TACR3: variants seen among roughly 807,000 people sequenced by gnomAD.
TACR3 encodes tachykinin receptor 3.
TACR3 carries 34 observed loss-of-function variants against 35.0 expected under a neutral mutation model. The observed-to-expected ratio is 0.97, with a 90% CI of 0.74 to 1.30. The LOEUF (loss-of-function observed/expected upper bound fraction) is 1.30. Among genes scored for constraint, TACR3 ranks in the 50% most tolerant of loss-of-function variants. The probability of loss-of-function intolerance (pLI) is 0.00; values close to 1 mark genes in which losing one functional copy is unlikely to be tolerated. For synonymous variants in TACR3, 233 were observed against 221.1 expected, an observed-to-expected ratio of 1.05 and a Z score of -0.48; for missense variants, 558 against 591.7, an observed-to-expected ratio of 0.94 and a Z score of 0.59.
rs572041074 is a variant in TACR3, at chr4:103,595,001, T to C, written c.889-3318A>G. 3.3e-5 allele frequency among the ~76,000 whole-genome samples: 5 copies of C among 152,296 alleles called. No individual in the cohort carries two copies. The South Asian group carries it at 1.0e-3, about 32-fold the overall frequency. On this transcript the variant is annotated intron_variant, in intron 3 of 4. Coordinates refer to ENST00000304883, the MANE Select transcript of TACR3 (RefSeq NM_001059.3). ...CTCTGGACTCTAGTTTTGATGTGAA[T>C]GCAAACGTAGGCTCTTGGGTGGGAG...
chr4:103,598,345 G>C (rs1475759460), intron 3 of TACR3, among the ~76,000 whole-genome samples: 1 of 152,082 alleles, frequency 6.6e-6, no homozygotes. Context: ...TTTAGATTCT[G>C]GATATTAGCC....
At chr4:103,629,853 A>AAAC (rs1725009529) in intron 3 of TACR3, among the ~76,000 whole-genome samples, 1 of 115,494 alleles carries the variant, frequency 8.7e-6, no homozygotes, top group Non-Finnish European at 1.8e-5. Flanking sequence ...AGCAAAACAA[A>AAAC]AAAAAAACAA....
intron 3 of TACR3, among the ~76,000 whole-genome samples, chr4:103,643,745 G>T (rs751702354): frequency 6.6e-6 from 1 of 151,800 alleles, no homozygotes; most frequent in Non-Finnish European, 1.5e-5. Flanking sequence ...TTGTGTGTGT[G>T]CCTGTGTGTA....
rs145596635 is a variant in TACR3 at position 103,587,871 on chromosome 4, T to C, written c.*1811A>G. The C allele has an allele frequency of 1.3e-5, 2 of 152,220 alleles. No homozygotes were observed. Among genetic ancestry groups the C allele is most frequent in the East Asian group, 1.9e-4 (1 of 5,182 alleles). 9.4% of individuals were successfully genotyped at this position (152,220 alleles called of 1,614,324 possible). On this transcript the variant is annotated 3_prime_UTR_variant, in exon 5 of 5. Coordinates refer to ENST00000304883, the MANE Select transcript of TACR3 (RefSeq NM_001059.3). ...ATGCACACAAGCTTCACAGACTTTA[T>C]TGAGCATATGGCAATGCTGTAATGA...
intron 3 of TACR3, among the ~76,000 whole-genome samples, chr4:103,634,508 T>A (rs1389643853): frequency 1.6e-5 from 2 of 121,990 alleles, no homozygotes; most frequent in Non-Finnish European, 1.9e-5. Context: ...TTCATGAACA[T>A]TTATAATCAG....
rs201417864 is a variant in TACR3 at position 103,589,661 on chromosome 4, C to G, written c.*21G>C. On this transcript the variant is annotated 3_prime_UTR_variant, in exon 5 of 5. Coordinates refer to ENST00000304883, the MANE Select transcript of TACR3 (RefSeq NM_001059.3). ...GGCACCATGATGGTCTCACACTAAT[C>G]TTTTACCTCAGGAAATGGAATTAAG... 21 of 1,613,396 alleles carry G rather than the reference C, an allele frequency of 1.3e-5. No individual in the cohort carries two copies. The highest frequency in any genetic ancestry group is 1.6e-5 in the Non-Finnish European group (19 of 1,179,650).
At chr4:103,683,900 C>T (rs1195639208) in intron 1 of TACR3, among the ~76,000 whole-genome samples, 2 of 151,682 alleles carry the variant, frequency 1.3e-5, no homozygotes, top group Non-Finnish European at 2.9e-5. Flanking sequence ...AGAAATACAT[C>T]ATCCAAAAAT....
chr4:103,626,479 A>T lies in TACR3; in HGVS notation c.888+29715T>A, dbSNP rs576875064. On this transcript the variant is annotated intron_variant, in intron 3 of 4. Transcript: ENST00000304883. The stretch of plus-strand genomic sequence containing the variant: ...AGACGTATAGCTGGTGTAACCAGCT[A>T]AGGGCCTGGGGCAGAATGGGAGGCT... 7.5e-4 allele frequency among the ~76,000 whole-genome samples: 114 copies of T among 152,266 alleles called. 1 individual carries two copies. The South Asian group carries it at 0.023, about 31-fold the overall frequency.
chr4:103,665,494 C>A (rs149023301), intron 1 of TACR3, among the ~76,000 whole-genome samples: 1 of 152,080 alleles, frequency 6.6e-6, no homozygotes, highest in Admixed American at 6.6e-5. Context: ...TTAGGTTTAT[C>A]TACTCATTTA....
chr4:103,633,061 TCTTA>T (rs1295303324), intron 3 of TACR3, among the ~76,000 whole-genome samples: 1 of 102,856 alleles, frequency 9.7e-6, no homozygotes, highest in Admixed American at 8.4e-5. Context: ...TTTTTGTCCC[TCTTA>T]CTGACATTAA....
intron 1 of TACR3, among the ~76,000 whole-genome samples, chr4:103,697,394 A>G (rs1192332410): frequency 7.2e-6 from 1 of 139,528 alleles, no homozygotes; most frequent in African/African-American, 3.0e-5. Context: ...TTATTTATTT[A>G]TTTATTTGTT....
At chr4:103,604,070 C>A (rs987559882) in intron 3 of TACR3, among the ~76,000 whole-genome samples, 4 of 152,142 alleles carry the variant, frequency 2.6e-5, no homozygotes, top group African/African-American at 9.7e-5. Context: ...AAAAAGGAGC[C>A]CATATCTCCA....
chr4:103,594,240 C>CG (rs1259502215), intron 3 of TACR3, among the ~76,000 whole-genome samples: 1 of 150,696 alleles, frequency 6.6e-6, no homozygotes, highest in African/African-American at 2.4e-5. Context: ...TGCAGTGGTG[C>CG]GATCTTGGCT....
At chr4:103,686,649 T>G (rs1299747625) in intron 1 of TACR3, among the ~76,000 whole-genome samples, 1 of 152,142 alleles carries the variant, frequency 6.6e-6, no homozygotes, top group Admixed American at 6.6e-5. Flanking sequence ...GAGGAAAACA[T>G]AACCCATATG....
rs540372794 is a variant in TACR3, at chr4:103,600,141, T to C, written c.889-8458A>G. On this transcript the variant is annotated intron_variant, in intron 3 of 4. Transcript: ENST00000304883. Reference sequence around the variant, plus strand: ...ATTACCTCAATTTCACAGCCTGTTATTGGTCTATTCAGAGATTCAACTTCT... The same window carrying C: ...ATTACCTCAATTTCACAGCCTGTTACTGGTCTATTCAGAGATTCAACTTCT... Among the ~76,000 whole-genome samples, 9 of 152,280 alleles carry C rather than the reference T, an allele frequency of 5.9e-5. 1 individual carries two copies. In the South Asian group the frequency reaches 1.9e-3, roughly 32 times the overall value.
At chr4:103,710,583 T>C (rs1722922536) in intron 1 of TACR3, among the ~76,000 whole-genome samples, 1 of 151,850 alleles carries the variant, frequency 6.6e-6, no homozygotes, top group Non-Finnish European at 1.5e-5. Context: ...TTAAAAGAAC[T>C]AGAGAAGGAA....
intron 1 of TACR3, among the ~76,000 whole-genome samples, chr4:103,701,161 G>T (rs1399744269): frequency 6.6e-6 from 1 of 152,018 alleles, no homozygotes; most frequent in Non-Finnish European, 1.5e-5. Flanking sequence ...CATTGTCTCA[G>T]CCCAAAATCT....
At chr4:103,683,140 A>T (rs1722140151) in intron 1 of TACR3, among the ~76,000 whole-genome samples, 1 of 152,146 alleles carries the variant, frequency 6.6e-6, no homozygotes, top group South Asian at 2.1e-4. Flanking sequence ...ACAGAAATCT[A>T]GAAAATATTT....
chr4:103,667,963 G>A (rs986571918), intron 1 of TACR3, among the ~76,000 whole-genome samples: 1 of 151,878 alleles, frequency 6.6e-6, no homozygotes, highest in Admixed American at 6.6e-5. Context: ...TGAGTAGCTG[G>A]GACCAGAGGT....
Sources: allele counts gnomAD v4.1 joint callset (sites outside exome capture counted in the v4.1 genomes callset), GRCh38; gene constraint gnomAD v4.1.1; transcripts MANE v1.5; gene names NCBI Gene and HGNC (gene_info 2026-07-23, HGNC 2026-07-21).